DCC: variants seen among roughly 807,000 people sequenced by gnomAD.
DCC encodes the protein DCC netrin 1 receptor.
A neutral mutation model predicts 172.5 loss-of-function variants in DCC; 58 were observed. That is an observed-to-expected ratio of 0.34 (90% CI 0.27 to 0.42). The LOEUF is 0.42. Ranked by LOEUF, DCC falls within the 10% of genes least tolerant of loss-of-function variation. The pLI is 1.00. For missense variants in DCC, 1,740 were observed against 1,791.0 expected, an observed-to-expected ratio of 0.97 and a Z score of 0.51; for synonymous variants, 709 against 644.5, an observed-to-expected ratio of 1.10 and a Z score of -1.52.
chr18:52,846,608 A>AACACAC (rs71175524), intron 2 of DCC, among the ~76,000 whole-genome samples: 20,098 of 130,246 alleles, frequency 0.15, 1,870 homozygotes, highest in Middle Eastern at 0.19. Context: ...TGCCACTCCA[A>AACACAC]ACACACACAC....
chr18:53,344,590 C>T (rs760248533), intron 15 of DCC, among the ~76,000 whole-genome samples: 14 of 151,070 alleles, frequency 9.3e-5, no homozygotes, highest in South Asian at 2.1e-4. Context: ...TACAAGCGTG[C>T]GCCATCGTGC....
intron 27 of DCC, among the ~76,000 whole-genome samples, chr18:53,503,947 T>C (rs1249752784): frequency 2.0e-5 from 3 of 152,246 alleles, no homozygotes; most frequent in African/African-American, 4.8e-5. Context: ...TCAGTGGACA[T>C]GACAAGTCCA....
chr18:53,070,911 G>A (rs1178748223), intron 7 of DCC, among the ~76,000 whole-genome samples: 1 of 152,194 alleles, frequency 6.6e-6, no homozygotes, highest in Non-Finnish European at 1.5e-5. Flanking sequence ...GTGCACAGAT[G>A]GTAGAGAGGC....
intron 12 of DCC, 84 bp downstream of exon 12, chr18:53,215,681 G>C: frequency 9.0e-7 from 1 of 1,116,890 alleles, no homozygotes; most frequent in South Asian, 1.2e-5. Flanking sequence ...CTGCTGTCTT[G>C]AGTACAGGAT....
intron 1 of DCC, among the ~76,000 whole-genome samples, chr18:52,681,406 A>G (rs945625712): frequency 1.3e-5 from 2 of 152,146 alleles, no homozygotes; most frequent in Admixed American, 1.3e-4. Context: ...TTGCAAACAC[A>G]CACCAAAAAT....
intron 1 of DCC, among the ~76,000 whole-genome samples, chr18:52,391,791 T>C (rs1030967486): frequency 1.3e-5 from 2 of 152,092 alleles, no homozygotes; most frequent in Admixed American, 6.6e-5. Flanking sequence ...CCTGGATCTA[T>C]TGGGGGTAGG....
intron 7 of DCC, among the ~76,000 whole-genome samples, chr18:53,134,114 C>A (rs188797606): frequency 1.1e-4 from 16 of 152,264 alleles, no homozygotes; most frequent in Admixed American, 1.0e-3. Context: ...CTGTGCCTCT[C>A]TTTAGAATGT....
chr18:52,931,281 TAAGAA>T (rs1273615663), intron 5 of DCC, among the ~76,000 whole-genome samples: 4 of 152,216 alleles, frequency 2.6e-5, no homozygotes, highest in East Asian at 1.9e-4. Flanking sequence ...AAATGGATGA[TAAGAA>T]AAGAACTTTA....
chr18:52,577,328 T>C (rs1275347601), intron 1 of DCC, among the ~76,000 whole-genome samples: 1 of 152,258 alleles, frequency 6.6e-6, no homozygotes, highest in African/African-American at 2.4e-5. Context: ...CTTGATTACC[T>C]TTTCATATGC....
At chr18:52,995,616 G>T (rs2041465562) in intron 5 of DCC, among the ~76,000 whole-genome samples, 1 of 151,930 alleles carries the variant, frequency 6.6e-6, no homozygotes, top group African/African-American at 2.4e-5. Context: ...GGTGAACAGA[G>T]CATACTTTCT....
intron 12 of DCC, among the ~76,000 whole-genome samples, chr18:53,262,598 A>G (rs147481714): frequency 7.7e-4 from 117 of 152,350 alleles, no homozygotes; most frequent in African/African-American, 2.7e-3. Context: ...CAAAGGTTAT[A>G]TAATTTCATA....
intron 2 of DCC, among the ~76,000 whole-genome samples, chr18:52,879,158 C>A (rs540500409): frequency 4.6e-5 from 7 of 152,176 alleles, no homozygotes; most frequent in Admixed American, 1.3e-4. Context: ...TCAAATTGGA[C>A]CTAAAGGAAA....
intron 14 of DCC, among the ~76,000 whole-genome samples, chr18:53,330,264 T>C (rs767871504): frequency 6.6e-6 from 1 of 152,190 alleles, no homozygotes; most frequent in Non-Finnish European, 1.5e-5. Flanking sequence ...TCCCTTAAGA[T>C]TGATTGTATT....
chr18:52,759,960 A>G (rs1464725183), intron 2 of DCC, among the ~76,000 whole-genome samples: 2 of 152,220 alleles, frequency 1.3e-5, no homozygotes, highest in Non-Finnish European at 2.9e-5. Flanking sequence ...GACAGAGAGC[A>G]TAGACAAATG....
At chr18:52,671,532 C>CTTTTT (rs761856360) in intron 1 of DCC, among the ~76,000 whole-genome samples, 12 of 116,984 alleles carry the variant, frequency 1.0e-4, no homozygotes, top group African/African-American at 2.5e-4. Flanking sequence ...ATATGCCAAC[C>CTTTTT]TTTTTTTTTT....
intron 1 of DCC, among the ~76,000 whole-genome samples, chr18:52,448,371 A>G (rs1988192649): frequency 6.6e-6 from 1 of 152,218 alleles, no homozygotes; most frequent in African/African-American, 2.4e-5. Flanking sequence ...CCAACCTTGA[A>G]GATAGAATAA....
In DCC at chr18:53,511,105, G is replaced by C. The variant is rs144296372; in HGVS notation, c.4111+11595G>C. Among the ~76,000 whole-genome samples, 17 of 152,326 alleles carry C rather than the reference G, an allele frequency of 1.1e-4. No individual in the cohort carries two copies. The South Asian group carries it at 2.5e-3, about 22-fold the overall frequency. On this transcript the variant is annotated intron_variant, in intron 27 of 28. Coordinates refer to ENST00000442544, the MANE Select transcript of DCC (RefSeq NM_005215.4). ...TTTAAAAGTTCTATTTTAAAGAACA[G>C]ATAAGAAAATGTAGGAAAAGGTGTT...
chr18:53,491,174 T>C (rs969141230), intron 26 of DCC, among the ~76,000 whole-genome samples: 1 of 152,164 alleles, frequency 6.6e-6, no homozygotes, highest in Non-Finnish European at 1.5e-5. Flanking sequence ...AGACTGGGCA[T>C]GCAGACAATT....
intron 8 of DCC, among the ~76,000 whole-genome samples, chr18:53,174,364 C>A (rs1216012689): frequency 4.6e-5 from 7 of 151,512 alleles, no homozygotes; most frequent in Admixed American, 6.6e-5. Flanking sequence ...ACACAAAAAA[C>A]CCTTCAAAAA....
Sources: allele counts gnomAD v4.1 joint callset (sites outside exome capture counted in the v4.1 genomes callset), GRCh38; gene constraint gnomAD v4.1.1; transcripts MANE v1.5; gene names NCBI Gene and HGNC (gene_info 2026-07-23, HGNC 2026-07-21).